RASAL2: variants seen among roughly 807,000 people sequenced by gnomAD.
RASAL2 encodes ras GTPase-activating protein nGAP.
RASAL2 carries 58 observed loss-of-function variants against 128.9 expected under a neutral mutation model. The ratio of observed to expected loss-of-function variants is 0.45; its 90% CI spans 0.36 to 0.56. The LOEUF (loss-of-function observed/expected upper bound fraction) is 0.56. Among genes scored for constraint, RASAL2 ranks in the 20% least tolerant of loss-of-function variants. The pLI, the probability that RASAL2 is intolerant of heterozygous loss-of-function variation, is 0.00. For missense variants in RASAL2, 1,360 were observed against 1,601.6 expected (o/e 0.85, Z 2.57); for synonymous variants, 561 against 580.8 (o/e 0.97, Z 0.49).
intron 17 of RASAL2, among the ~76,000 whole-genome samples, chr1:178,472,291 T>TC (rs1400466667): frequency 6.6e-6 from 1 of 152,224 alleles, no homozygotes; most frequent in African/African-American, 2.4e-5. Flanking sequence ...ATGCTTGGTT[T>TC]CCAAATATTG....
chr1:178,350,126 A>G (rs1259481418), intron 3 of RASAL2, among the ~76,000 whole-genome samples: 1 of 152,224 alleles, frequency 6.6e-6, no homozygotes, highest in East Asian at 1.9e-4. Flanking sequence ...TGATGTTTTA[A>G]TGTTAGCATA....
At chr1:178,313,489 A>ATT (rs567555813) in intron 3 of RASAL2, among the ~76,000 whole-genome samples, 2 of 145,130 alleles carry the variant, frequency 1.4e-5, no homozygotes, top group Non-Finnish European at 1.5e-5. Flanking sequence ...CTGTGTGCAC[A>ATT]TTTTTTTTTT....
chr1:178,234,154 A>G (rs1414422017), intron 1 of RASAL2, among the ~76,000 whole-genome samples: 1 of 152,214 alleles, frequency 6.6e-6, no homozygotes, highest in Non-Finnish European at 1.5e-5. Flanking sequence ...ATGTGAAAAA[A>G]TTATTTTTAA....
chr1:178,365,093 C>G (rs1367726091), intron 3 of RASAL2, among the ~76,000 whole-genome samples: 1 of 151,636 alleles, frequency 6.6e-6, no homozygotes, highest in South Asian at 2.1e-4. Flanking sequence ...TCTTGATAGC[C>G]TTTTTCACTG....
chr1:178,253,652 A>T (rs1665164759), intron 1 of RASAL2, among the ~76,000 whole-genome samples: 1 of 152,126 alleles, frequency 6.6e-6, no homozygotes, highest in Admixed American at 6.5e-5. Context: ...AATTACAGTC[A>T]AAGGGGTTGT....
At chr1:178,218,567 A>G (rs1663503611) in intron 1 of RASAL2, among the ~76,000 whole-genome samples, 1 of 152,198 alleles carries the variant, frequency 6.6e-6, no homozygotes. Context: ...TACTCCTGTA[A>G]TCCCAGCTAC....
At chr1:178,436,981 C>T (rs1273138322) in intron 5 of RASAL2, among the ~76,000 whole-genome samples, 2 of 152,084 alleles carry the variant, frequency 1.3e-5, no homozygotes, top group Non-Finnish European at 2.9e-5. Flanking sequence ...CTCACCATTC[C>T]TTCCTTTCTG....
chr1:178,320,103 C>CTCGGGGG (rs1347677896), intron 3 of RASAL2, among the ~76,000 whole-genome samples: 1 of 151,892 alleles, frequency 6.6e-6, no homozygotes, highest in Non-Finnish European at 1.5e-5. Flanking sequence ...AGTTAGGCTG[C>CTCGGGGG]TCGGGGGTCA....
intron 1 of RASAL2, among the ~76,000 whole-genome samples, chr1:178,219,630 AG>A (rs1191474330): frequency 1.3e-5 from 2 of 149,224 alleles, no homozygotes; most frequent in Non-Finnish European, 3.0e-5. Context: ...ACTCTGCCTC[AG>A]GAAAAAAAAA....
chr1:178,346,534 C>A (rs757350329), intron 3 of RASAL2, among the ~76,000 whole-genome samples: 3 of 152,060 alleles, frequency 2.0e-5, no homozygotes, highest in Non-Finnish European at 2.9e-5. Context: ...ACAATAAATA[C>A]GCTATTATAT....
intron 1 of RASAL2, among the ~76,000 whole-genome samples, chr1:178,256,176 A>G (rs908350665): frequency 6.6e-6 from 1 of 152,222 alleles, no homozygotes; most frequent in African/African-American, 2.4e-5. Flanking sequence ...TGTGGGATGT[A>G]TCCCAGGAAT....
intron 1 of RASAL2, among the ~76,000 whole-genome samples, chr1:178,194,976 G>A (rs1003699384): frequency 6.6e-6 from 1 of 152,210 alleles, no homozygotes; most frequent in African/African-American, 2.4e-5. Flanking sequence ...TGTAGTTTGA[G>A]TGATTTAAGA....
chr1:178,176,855 G>C (rs1019548285), intron 1 of RASAL2, among the ~76,000 whole-genome samples: 1 of 151,936 alleles, frequency 6.6e-6, no homozygotes, highest in Non-Finnish European at 1.5e-5. Context: ...TCACTATGTT[G>C]CCTAGGCTGA....
At chr1:178,406,521 A>G (rs899420396) in intron 4 of RASAL2, among the ~76,000 whole-genome samples, 7 of 152,124 alleles carry the variant, frequency 4.6e-5, no homozygotes, top group African/African-American at 1.7e-4. Flanking sequence ...ATTTATCAAA[A>G]CTTGTCAAGC....
In RASAL2 at chr1:178,151,298, C is replaced by G. The variant is rs554145642; in HGVS notation, c.202+56604C>G. On this transcript the variant is annotated intron_variant, in intron 1 of 17. Coordinates refer to ENST00000367649, the MANE Select transcript of RASAL2 (RefSeq NM_170692.4). ...GCACATGCCTGTGGTCCTAGCTACT[C>G]AGAGACTGAGTCAGGAGAATTGCTT... 6.1e-4 allele frequency among the ~76,000 whole-genome samples: 93 copies of G among 152,142 alleles called. 1 individual carries two copies. The highest frequency in any genetic ancestry group is 1.3e-3 in the Non-Finnish European group (86 of 67,990).
At chr1:178,157,691 G>A (rs1317477373) in intron 1 of RASAL2, among the ~76,000 whole-genome samples, 1 of 152,088 alleles carries the variant, frequency 6.6e-6, no homozygotes, top group Non-Finnish European at 1.5e-5. Flanking sequence ...CACCACTATT[G>A]CATGTAAATC....
intron 1 of RASAL2, among the ~76,000 whole-genome samples, chr1:178,222,441 T>A (rs1029395522): frequency 6.6e-6 from 1 of 152,076 alleles, no homozygotes; most frequent in African/African-American, 2.4e-5. Flanking sequence ...TGCTTTTGAG[T>A]TTGCAATATA....
At chr1:178,360,259 G>C (rs2102475116) in intron 3 of RASAL2, among the ~76,000 whole-genome samples, 1 of 152,284 alleles carries the variant, frequency 6.6e-6, no homozygotes, top group Middle Eastern at 3.4e-3. Context: ...TCTGGCATTG[G>C]AGTAGGGAGA....
intron 1 of RASAL2, among the ~76,000 whole-genome samples, chr1:178,248,282 G>A (rs1664872243): frequency 1.3e-5 from 2 of 152,194 alleles, no homozygotes; most frequent in Admixed American, 1.3e-4. Flanking sequence ...ATTTAGGATA[G>A]TTAGCTCTTC....
Sources: gnomAD v4.1 joint callset for allele counts (sites outside exome capture counted in the v4.1 genomes callset) on GRCh38, gnomAD v4.1.1 for gene constraint, MANE v1.5 for transcripts, NCBI Gene and HGNC (gene_info 2026-07-23, HGNC 2026-07-21) for gene names.